The following PRKDC variants were observed in gnomAD, a reference collection of about 807,000 sequenced individuals.
PRKDC encodes protein kinase, DNA-activated, catalytic subunit.
A neutral mutation model predicts 486.9 loss-of-function variants in PRKDC; 82 were observed. The ratio of observed to expected loss-of-function variants is 0.17; its 90% confidence interval spans 0.14 to 0.20. PRKDC has a LOEUF of 0.20. PRKDC is among the 10% of genes least tolerant of loss of function. The pLI, the probability that PRKDC is intolerant of heterozygous loss-of-function variation, is 1.00. For missense variants in PRKDC, 4,504 were observed against 5,038.2 expected (o/e 0.89, Z 3.21); for synonymous variants, 1,895 against 1,837.0 (o/e 1.03, Z -0.81).
At chr8:47,790,477 C>T (rs1589697373) in intron 74 of PRKDC, among the ~76,000 whole-genome samples, 1 of 152,250 alleles carries the variant, frequency 6.6e-6, no homozygotes, top group African/African-American at 2.4e-5. Flanking sequence ...AATCTGTCCA[C>T]ACTACCCAAA....
chr8:47,960,053 C>A lies in PRKDC; in HGVS notation c.74G>T (p.Cys25Phe). Residue 25 changes from cysteine (C) to phenylalanine (F), a missense_variant, in exon 1 of 86, where the codon TGC (cysteine) becomes TTC (phenylalanine). Coordinates refer to ENST00000314191, the MANE Select transcript of PRKDC (RefSeq NM_006904.7). ...LQETLSAADR[C>F]GAALAGHQLI... ...TTGATGACCGGCCAGGGCAGCACCG[C>A]AGCGGTCCGCAGCGGACAAGGTCTC... 6.5e-7 allele frequency: 1 copy of A among 1,532,504 alleles called. No homozygotes were observed. The highest frequency in any genetic ancestry group is 8.7e-7 in the Non-Finnish European group (1 of 1,145,906). The allele number at this position is 1,532,504 out of a possible 1,614,324, so 94.9% of individuals were successfully genotyped here. A position where few individuals can be genotyped will look rare whatever the true frequency, so the allele number is the denominator to read the frequency against.
intron 38 of PRKDC, 110 bp downstream of exon 38, chr8:47,881,306 A>T (rs1204940597): frequency 3.0e-5 from 21 of 695,718 alleles, no homozygotes; most frequent in Admixed American, 2.7e-5. Context: ...GTCTCCCTAC[A>T]TTTGAACACG....
chr8:47,897,104 T>C (rs1194553359), intron 30 of PRKDC, 57 bp downstream of exon 30: 10 of 1,483,064 alleles, frequency 6.7e-6, no homozygotes, highest in Non-Finnish European at 9.1e-6. Context: ...TCTTTACTTC[T>C]TTTAAATGGG....
intron 21 of PRKDC, among the ~76,000 whole-genome samples, chr8:47,919,313 A>G (rs2090036563): frequency 1.3e-5 from 2 of 152,210 alleles, no homozygotes; most frequent in South Asian, 2.1e-4. Context: ...ATATGCCAGT[A>G]ATTTCATACG....
At chr8:47,867,210 C>T (rs569096547) in intron 40 of PRKDC, among the ~76,000 whole-genome samples, 60 of 152,140 alleles carry the variant, frequency 3.9e-4, no homozygotes, top group African/African-American at 1.3e-3. Context: ...GTACAAGACA[C>T]AAGTGGAAGA....
intron 68 of PRKDC, among the ~76,000 whole-genome samples, chr8:47,812,644 GAAA>G (rs1589713738): frequency 6.6e-6 from 1 of 151,828 alleles, no homozygotes; most frequent in East Asian, 1.9e-4. Context: ...TTAGGAGGAA[GAAA>G]AGGTATAAAA....
chr8:47,824,333 G>GC (rs911764994), intron 63 of PRKDC, among the ~76,000 whole-genome samples: 2 of 151,914 alleles, frequency 1.3e-5, no homozygotes, highest in African/African-American at 4.8e-5. Context: ...AATTAGCTGG[G>GC]CATGGTGGCG....
chr8:47,817,847 C>T (rs2087483239), intron 67 of PRKDC, among the ~76,000 whole-genome samples: 1 of 152,140 alleles, frequency 6.6e-6, no homozygotes, highest in Non-Finnish European at 1.5e-5. Context: ...ATCTAAAAAG[C>T]ACTGATAACT....
intron 10 of PRKDC, among the ~76,000 whole-genome samples, chr8:47,940,798 A>C (rs2090431381): frequency 6.6e-6 from 1 of 152,234 alleles, no homozygotes; most frequent in African/African-American, 2.4e-5. Context: ...AGGACAGATT[A>C]AAACACTATG....
chr8:47,946,380 T>C (rs543563115), intron 7 of PRKDC, among the ~76,000 whole-genome samples: 1 of 152,148 alleles, frequency 6.6e-6, no homozygotes, highest in East Asian at 1.9e-4. Flanking sequence ...TTTACTCTCT[T>C]CCATTACAAG....
At position 47,794,432 on chromosome 8, in the gene PRKDC, G is replaced by C; in HGVS notation, c.10528C>G (p.Gln3510Glu). 1 of 1,613,726 alleles carries C rather than the reference G, an allele frequency of 6.2e-7. No homozygotes were observed. The highest frequency in any genetic ancestry group is 8.5e-7 in the Non-Finnish European group (1 of 1,179,626). The part of the protein sequence containing the change: ...SHMVALLDKD[Q>E]AVAVQHSVEE... ...ACAGAGTGCTGAACAGCAACGGCTT[G>C]GTCTTTGTCCAGTAAGGCCACCATG... The change falls in exon 74 of 86, where the codon CAA becomes GAA. Residue 3510 changes from glutamine (Q) to glutamate (E), a missense_variant. Gln to Glu is a conservative substitution (Grantham distance 29). Transcript: ENST00000314191.
At position 47,789,011 on chromosome 8, in the gene PRKDC, G is replaced by T. The variant is rs1175537097; in HGVS notation, c.10797C>A (p.Thr3599=). The change falls in exon 76 of 86, where the codon ACC becomes ACA. Residue 3599 remains threonine, a synonymous_variant. Transcript: ENST00000314191. ...TTTCAATGTTTTTTTTATTTACAGG[G>T]GTTTTTGCTAGTTCAGCTCTTACAT... ...SNDVRAELAK[T]PVNKKNIEKM... The T allele has an allele frequency of 6.2e-7, 1 of 1,612,372 alleles. No individual in the cohort carries two copies. Among genetic ancestry groups the T allele is most frequent in the Admixed American group, 1.7e-5 (1 of 59,874 alleles).
chr8:47,917,541 C>T (rs531761146), intron 22 of PRKDC, among the ~76,000 whole-genome samples: 1 of 152,262 alleles, frequency 6.6e-6, no homozygotes, highest in South Asian at 2.1e-4. Flanking sequence ...CTATTTACGT[C>T]ATATTTTACT....
intron 21 of PRKDC, among the ~76,000 whole-genome samples, chr8:47,918,951 G>A (rs149850013): frequency 1.2e-3 from 186 of 151,968 alleles, no homozygotes; most frequent in African/African-American, 4.3e-3. Context: ...GAAGTACCCC[G>A]AATAAATTCC....
At chr8:47,946,766 T>A (rs1293501886) in intron 7 of PRKDC, among the ~76,000 whole-genome samples, 1 of 152,012 alleles carries the variant, frequency 6.6e-6, no homozygotes, top group African/African-American at 2.4e-5. Flanking sequence ...TTCCTAAGTG[T>A]CTCTAGTTAA....
intron 26 of PRKDC, 79 bp from the exon 27 acceptor site, chr8:47,902,874 G>T: frequency 2.8e-6 from 3 of 1,085,244 alleles, no homozygotes; most frequent in Non-Finnish European, 3.8e-6. Flanking sequence ...CTATCTCTGA[G>T]CATAACTAAA....
At chr8:47,920,536 T>C (rs1263517007) in intron 21 of PRKDC, among the ~76,000 whole-genome samples, 2 of 152,174 alleles carry the variant, frequency 1.3e-5, no homozygotes, top group East Asian at 3.8e-4. Context: ...TCTCCAAAAA[T>C]AAGGAAGTTG....
chr8:47,813,575 A>AT (rs200318055), intron 68 of PRKDC, among the ~76,000 whole-genome samples: 12 of 147,722 alleles, frequency 8.1e-5, no homozygotes, highest in East Asian at 2.0e-4. Flanking sequence ...ATCTTATATA[A>AT]TTTTTTTTTT....
chr8:47,913,994 C>T lies in PRKDC; in HGVS notation c.2688G>A (p.Val896=), dbSNP rs1007165535. ...WDREKRLSFA[V]PFREMKPVIF... ...TGACAGGTTTCATCTCTCTAAAGGG[C>T]ACTGCAAAGCTCAGCCGCTTCTCTC... The change falls in exon 24 of 86, where the codon GTG becomes GTA. Residue 896 remains valine (V), a synonymous_variant. Coordinates refer to ENST00000314191, the MANE Select transcript of PRKDC (RefSeq NM_006904.7). 1.9e-6 allele frequency: 3 copies of T among 1,606,080 alleles called. No individual in the cohort carries two copies. Among genetic ancestry groups the T allele is most frequent in the East Asian group, 2.2e-5 (1 of 44,512 alleles).
Sources: gnomAD v4.1 joint callset for allele counts (sites outside exome capture counted in the v4.1 genomes callset) on GRCh38, gnomAD v4.1.1 for gene constraint, MANE v1.5 for transcripts, NCBI Gene and HGNC (gene_info 2026-07-23, HGNC 2026-07-21) for gene names.